Variants in NFIA observed in about 807,000 individuals in gnomAD.
The protein encoded by NFIA is nuclear factor I A.
Under a neutral mutation model 62.8 loss-of-function variants are expected in NFIA, and 8 were observed. The ratio of observed to expected loss-of-function variants is 0.13; its 90% CI spans 0.07 to 0.23. NFIA has a LOEUF of 0.23. Among genes scored for constraint, NFIA ranks in the 10% least tolerant of loss-of-function variants. The pLI is 1.00. For synonymous variants in NFIA, 235 were observed against 238.1 expected, an observed-to-expected ratio of 0.99 and a Z score of 0.12; for missense variants, 410 against 642.1, an observed-to-expected ratio of 0.64 and a Z score of 3.91.
Position 61,399,096 on chromosome 1 carries a change from T to C in NFIA, c.1076-5008T>C, listed in dbSNP as rs370590279. Among the ~76,000 whole-genome samples, 6 of 152,360 alleles carry C rather than the reference T, an allele frequency of 3.9e-5. No individual in the cohort carries two copies. In the East Asian group the frequency reaches 1.2e-3, roughly 29 times the overall value. ...AGTTCTTAATGCCACCCTTACGCTA[T>C]GGAAGTGGTAACTTTCATCTAAAGA... On this transcript the variant is annotated intron_variant, in intron 7 of 10. Coordinates refer to ENST00000403491, the MANE Select transcript of NFIA (RefSeq NM_001134673.4).
intron 2 of NFIA, chr1:61,253,535 G>A (rs951631037): frequency 2.6e-5 from 4 of 152,396 alleles, no homozygotes; most frequent in African/African-American, 7.2e-5. Flanking sequence ...ATCTCCTGAG[G>A]ATGGCTGAGC....
At chr1:61,260,279 C>T (rs962134080) in intron 2 of NFIA, among the ~76,000 whole-genome samples, 1 of 152,202 alleles carries the variant, frequency 6.6e-6, no homozygotes, top group Non-Finnish European at 1.5e-5. Flanking sequence ...TCTTAAGGAA[C>T]GTTCATGCAG....
chr1:61,418,518 A>T (rs185001606), intron 9 of NFIA, among the ~76,000 whole-genome samples: 92 of 152,276 alleles, frequency 6.0e-4, no homozygotes, highest in Middle Eastern at 3.4e-3. Context: ...CTCTCTGTGC[A>T]TATTTCCCAG....
At chr1:61,387,351 A>C (rs1664744327) in intron 7 of NFIA, among the ~76,000 whole-genome samples, 1 of 152,188 alleles carries the variant, frequency 6.6e-6, no homozygotes, top group African/African-American at 2.4e-5. Context: ...TACAGTATGC[A>C]CGTGGGTCAT....
At chr1:61,144,316 A>T (rs560570972) in intron 2 of NFIA, among the ~76,000 whole-genome samples, 1 of 152,342 alleles carries the variant, frequency 6.6e-6, no homozygotes, top group African/African-American at 2.4e-5. Flanking sequence ...TGAAAGTGTG[A>T]GAACCAGTAT....
chr1:61,384,108 A>G (rs1557746975), intron 7 of NFIA, among the ~76,000 whole-genome samples: 1 of 152,160 alleles, frequency 6.6e-6, no homozygotes, highest in South Asian at 2.1e-4. Context: ...TTGTTTATGA[A>G]ACTCCCACAG....
At chr1:61,379,936 A>G (rs906833658) in intron 6 of NFIA, among the ~76,000 whole-genome samples, 2 of 152,140 alleles carry the variant, frequency 1.3e-5, no homozygotes, top group African/African-American at 4.8e-5. Context: ...TTTCTTGTTG[A>G]ACTTTGCACT....
intron 1 of NFIA, among the ~76,000 whole-genome samples, chr1:61,086,525 T>C (rs1646222240): frequency 6.6e-6 from 1 of 152,184 alleles, no homozygotes; most frequent in Non-Finnish European, 1.5e-5. Flanking sequence ...AGCTGACTAC[T>C]TCTCTTTTGG....
intron 6 of NFIA, among the ~76,000 whole-genome samples, chr1:61,366,656 C>T (rs1296565029): frequency 6.6e-6 from 1 of 152,200 alleles, no homozygotes; most frequent in Non-Finnish European, 1.5e-5. Context: ...AGCACAATGG[C>T]TCACACCTGT....
intron 2 of NFIA, among the ~76,000 whole-genome samples, chr1:61,129,395 C>A (rs1647034374): frequency 1.3e-5 from 2 of 151,356 alleles, no homozygotes; most frequent in Admixed American, 1.3e-4. Context: ...AGGATGGTTT[C>A]TGTGCAACTG....
intron 2 of NFIA, among the ~76,000 whole-genome samples, chr1:61,249,608 C>T (rs994313226): frequency 6.6e-6 from 1 of 152,152 alleles, no homozygotes; most frequent in African/African-American, 2.4e-5. Flanking sequence ...TGACACTAGC[C>T]TGGCCTCAAA....
intron 2 of NFIA, among the ~76,000 whole-genome samples, chr1:61,238,024 A>T (rs561570515): frequency 6.6e-6 from 1 of 152,228 alleles, no homozygotes; most frequent in Non-Finnish European, 1.5e-5. Context: ...GTGGTCATGC[A>T]TTTCACAAAT....
At chr1:61,122,779 T>G (rs1646908249) in intron 2 of NFIA, among the ~76,000 whole-genome samples, 1 of 152,170 alleles carries the variant, frequency 6.6e-6, no homozygotes, top group Admixed American at 6.5e-5. Context: ...TAATTTAAAT[T>G]TTTAAGTTCT....
intron 2 of NFIA, among the ~76,000 whole-genome samples, chr1:61,140,099 C>T (rs1161609237): frequency 3.3e-5 from 5 of 152,120 alleles, no homozygotes; most frequent in Admixed American, 3.3e-4. Flanking sequence ...AACTCTAAAT[C>T]CTTGTATGAC....
intron 10 of NFIA, among the ~76,000 whole-genome samples, chr1:61,453,002 C>A (rs925337820): frequency 1.3e-5 from 2 of 152,042 alleles, no homozygotes; most frequent in Non-Finnish European, 1.5e-5. Context: ...TATCCACCCC[C>A]CAAAAGAAAA....
rs1668555398 is a variant in NFIA at position 61,462,024 on chromosome 1, G to GTTTTTTTTTTTTTTTTTTGGT, written c.*6724_*6725insTTTTTTTTTTTTTTTTTTTGG. 4.6e-4 allele frequency: 34 copies of GTTTTTTTTTTTTTTTTTTGGT among 73,132 alleles called. No individual in the cohort carries two copies. Among genetic ancestry groups the GTTTTTTTTTTTTTTTTTTGGT allele is most frequent in the Non-Finnish European group, 6.2e-4 (25 of 40,430 alleles). The allele number at this position is 73,132 out of a possible 1,614,324, so 4.5% of individuals were successfully genotyped here. A position where few individuals can be genotyped will look rare whatever the true frequency, so the allele number is the denominator to read the frequency against. On this transcript the variant is annotated 3_prime_UTR_variant, in exon 11 of 11. Coordinates refer to ENST00000403491, the MANE Select transcript of NFIA (RefSeq NM_001134673.4). ...ATAGTCTGTAAGTTAGCCTTTTTGG[G>GTTTTTTTTTTTTTTTTTTGGT]TTTTTTTTTTTTTTTTTTGGCTTTT...
chr1:61,328,383 A>T (rs1005790211), intron 3 of NFIA, among the ~76,000 whole-genome samples: 1 of 151,232 alleles, frequency 6.6e-6, no homozygotes, highest in Non-Finnish European at 1.5e-5. Flanking sequence ...CCCTTTCTAA[A>T]GCTTTTGATA....
At chr1:61,413,807 T>C (rs1315488476) in intron 9 of NFIA, among the ~76,000 whole-genome samples, 5 of 151,092 alleles carry the variant, frequency 3.3e-5, no homozygotes, top group African/African-American at 1.2e-4. Context: ...TTGTATTTTT[T>C]AGTGGAGACA....
At chr1:61,259,869 A>C (rs1445958311) in intron 2 of NFIA, among the ~76,000 whole-genome samples, 1 of 152,204 alleles carries the variant, frequency 6.6e-6, no homozygotes, top group Non-Finnish European at 1.5e-5. Context: ...TAATAAAGCC[A>C]TTGTTGCCGT....
Sources: allele counts gnomAD v4.1 joint callset (sites outside exome capture counted in the v4.1 genomes callset), GRCh38; gene constraint gnomAD v4.1.1; transcripts MANE v1.5; gene names NCBI Gene and HGNC (gene_info 2026-07-23, HGNC 2026-07-21).